PCLO: variants seen among roughly 807,000 people sequenced by gnomAD.
The protein encoded by PCLO is protein piccolo.
Under a neutral mutation model 427.5 loss-of-function variants are expected in PCLO, and 82 were observed. That is an observed-to-expected ratio of 0.19 (90% CI 0.16 to 0.23). PCLO has a LOEUF of 0.23. Ranked by LOEUF, PCLO falls within the 10% of genes least tolerant of loss-of-function variation. The probability of loss-of-function intolerance (pLI) is 1.00; values close to 1 mark genes in which losing one functional copy is unlikely to be tolerated. For synonymous variants in PCLO, 2,357 were observed against 2,155.4 expected (o/e 1.09, Z -2.59); for missense variants, 6,239 against 6,115.9 (o/e 1.02, Z -0.67).
intron 6 of PCLO, among the ~76,000 whole-genome samples, chr7:82,935,441 C>A (rs1794929878): frequency 6.6e-6 from 1 of 150,934 alleles, no homozygotes; most frequent in East Asian, 1.9e-4. Flanking sequence ...CATAAAATAC[C>A]TGTTATTATA....
At chr7:82,928,119 T>C (rs910867973) in intron 6 of PCLO, among the ~76,000 whole-genome samples, 3 of 152,186 alleles carry the variant, frequency 2.0e-5, no homozygotes, top group Admixed American at 6.6e-5. Flanking sequence ...TAAAAACATA[T>C]ACAATTTATA....
At chr7:82,758,823 G>A (rs897994745) in intron 24 of PCLO, 108 bp from the exon 25 acceptor site, 2 of 643,070 alleles carry the variant, frequency 3.1e-6, no homozygotes, top group Non-Finnish European at 5.3e-6. Flanking sequence ...TAGCACGAAA[G>A]AGGGTGACGC....
At chr7:82,865,747 C>T (rs1303308490) in intron 10 of PCLO, among the ~76,000 whole-genome samples, 1 of 152,028 alleles carries the variant, frequency 6.6e-6, no homozygotes, top group African/African-American at 2.4e-5. Flanking sequence ...ATTAAATACA[C>T]ATATTGTGTT....
chr7:83,070,959 TGTAA>T (rs1303617320), intron 3 of PCLO, among the ~76,000 whole-genome samples: 1 of 152,174 alleles, frequency 6.6e-6, no homozygotes, highest in East Asian at 1.9e-4. Context: ...AGTGGACAAA[TGTAA>T]GTATCATTAT....
In PCLO at chr7:82,943,896, G is replaced by A. The variant is rs187255388; in HGVS notation, c.11112+5580C>T. On this transcript the variant is annotated intron_variant, in intron 6 of 24. Transcript: ENST00000333891. Reference sequence around the variant, plus strand: ...CACTGGGCTGGGTGCGGTGGCTCACGTCTGTAATGCCAGCACTCTGGGAGG... The same window carrying A: ...CACTGGGCTGGGTGCGGTGGCTCACATCTGTAATGCCAGCACTCTGGGAGG... 3.5e-4 allele frequency among the ~76,000 whole-genome samples: 53 copies of A among 152,070 alleles called. No homozygotes were observed. In the Middle Eastern group the frequency reaches 0.01, roughly 29 times the overall value.
chr7:82,979,296 A>C (rs1168624007), intron 3 of PCLO, among the ~76,000 whole-genome samples: 2 of 152,180 alleles, frequency 1.3e-5, no homozygotes, highest in African/African-American at 4.8e-5. Flanking sequence ...ATCATGGAAA[A>C]TTATATTGAA....
intron 2 of PCLO, among the ~76,000 whole-genome samples, chr7:83,138,584 C>A (rs1318031947): frequency 6.6e-6 from 1 of 151,934 alleles, no homozygotes; most frequent in Non-Finnish European, 1.5e-5. Context: ...TCGCTTAAAC[C>A]TGGGAGGTGG....
intron 4 of PCLO, among the ~76,000 whole-genome samples, chr7:82,964,666 T>C (rs1490333796): frequency 6.6e-6 from 1 of 152,154 alleles, no homozygotes; most frequent in Non-Finnish European, 1.5e-5. Flanking sequence ...GGACAAACAG[T>C]ACCAAGCATC....
intron 21 of PCLO, among the ~76,000 whole-genome samples, chr7:82,803,743 A>C (rs1363379527): frequency 2.0e-5 from 3 of 152,158 alleles, no homozygotes; most frequent in Non-Finnish European, 4.4e-5. Context: ...CCCAAGCTAT[A>C]ATTTTATTAG....
In PCLO at chr7:83,156,131, T is replaced by C. The variant is rs760581017; in HGVS notation, c.510A>G (p.Val170=). The C allele has an allele frequency of 1.9e-6, 3 of 1,613,904 alleles. No individual in the cohort carries two copies. Among genetic ancestry groups the C allele is most frequent in the Non-Finnish European group, 1.7e-6 (2 of 1,179,860 alleles). ...VNALSAVSSV[V]NKFNPFDLIS... ...TCAAATCAAAAGGGTTGAATTTATT[T>C]ACAACAGAGGAAACAGCACTTAAAG... The change falls in exon 2 of 25, where the codon GTA becomes GTG. Residue 170 remains valine (V), a synonymous_variant. Coordinates refer to ENST00000333891, the MANE Select transcript of PCLO (RefSeq NM_033026.6).
chr7:82,908,871 A>G lies in PCLO; in HGVS notation c.13437+6T>C. 6.2e-7 allele frequency: 1 copy of G among 1,611,030 alleles called. No homozygotes were observed. The highest frequency in any genetic ancestry group is 1.1e-5 in the South Asian group (1 of 90,844). On this transcript the variant is annotated splice_donor_region_variant and intron_variant, in intron 8 of 24. Transcript: ENST00000333891. ...TCTAAAAGAAATTGCTAAATATAGC[A>G]CTTACTTGCTCTTGATGTTGACTGA...
In PCLO at chr7:82,950,084, T is replaced by C; in HGVS notation, c.10504A>G (p.Thr3502Ala). The C allele has an allele frequency of 6.2e-7, 1 of 1,604,218 alleles. No individual in the cohort carries two copies. The highest frequency in any genetic ancestry group is 8.5e-7 in the Non-Finnish European group (1 of 1,176,488). ...AGGGGTTTGGTCTTGTCAGCCTCTG[T>C]CATGCTGTCACCATATTTCCCTACA... ...ARVGKYGDSMTEADKTKPLSK... is the reference protein window; with the variant it reads ...ARVGKYGDSMAEADKTKPLSK... The change falls in exon 6 of 25, where the codon ACA becomes GCA. Residue 3502 changes from threonine to alanine, a missense_variant. Coordinates refer to ENST00000333891, the MANE Select transcript of PCLO (RefSeq NM_033026.6).
intron 2 of PCLO, among the ~76,000 whole-genome samples, chr7:83,138,662 A>C (rs1435905928): frequency 1.3e-5 from 2 of 152,120 alleles, no homozygotes; most frequent in African/African-American, 4.8e-5. Context: ...AAAGAAAAAA[A>C]AAAGAAGCAG....
At chr7:82,775,918 G>T (rs906179304) in intron 22 of PCLO, among the ~76,000 whole-genome samples, 1 of 151,984 alleles carries the variant, frequency 6.6e-6, no homozygotes, top group Non-Finnish European at 1.5e-5. Flanking sequence ...TGCATGTGGA[G>T]GTCCAATTGT....
chr7:83,090,728 C>A (rs1345066660), intron 3 of PCLO, among the ~76,000 whole-genome samples: 1 of 152,084 alleles, frequency 6.6e-6, no homozygotes, highest in South Asian at 2.1e-4. Context: ...CTAAAATATT[C>A]TAAATATATA....
At position 82,951,342 on chromosome 7, in the gene PCLO, C is replaced by G. The variant is rs776142411; in HGVS notation, c.9246G>C (p.Leu3082Phe). Residue 3082 changes from leucine (L) to phenylalanine (F), a missense_variant, in exon 6 of 25, where the codon TTG becomes TTC. Transcript: ENST00000333891. ...PGPQYCVGSV[L>F]RSSNGVVYSS... ...AATAGACAACACCATTAGATGACCT[C>G]AAAACACTCCCCACACAATACTGGG... The G allele has an allele frequency of 1.9e-6, 3 of 1,609,448 alleles. No homozygotes were observed. Among genetic ancestry groups the G allele is most frequent in the Non-Finnish European group, 2.5e-6 (3 of 1,177,756 alleles).
chr7:82,962,465 G>A (rs1795675377), intron 4 of PCLO, among the ~76,000 whole-genome samples: 1 of 151,574 alleles, frequency 6.6e-6, no homozygotes, highest in South Asian at 2.1e-4. Context: ...GGAAGGTTTG[G>A]GAAAAATTAT....
In PCLO at chr7:83,038,024, T is replaced by G. The variant is rs1357934514; in HGVS notation, c.3301-71537A>C. Among the ~76,000 whole-genome samples the G allele has an allele frequency of 5.5e-5, 3 of 54,288 alleles. 1 individual carries two copies. The highest frequency in any genetic ancestry group is 3.9e-4 in the African/African-American group (3 of 7,634). The allele number at this position is 54,288 out of a possible 152,430, so 35.6% of individuals were successfully genotyped here. Reference sequence around the variant, plus strand: ...ATATATATATATATATATATATATATATATATTTATATATTTATATATATA... The same window carrying G: ...ATATATATATATATATATATATATAGATATATTTATATATTTATATATATA... On this transcript the variant is annotated intron_variant, in intron 3 of 24. Coordinates refer to ENST00000333891, the MANE Select transcript of PCLO (RefSeq NM_033026.6).
intron 3 of PCLO, among the ~76,000 whole-genome samples, chr7:82,989,329 T>C (rs1796323948): frequency 6.6e-6 from 1 of 152,186 alleles, no homozygotes; most frequent in South Asian, 2.1e-4. Context: ...AAATTACTTC[T>C]AGTTAAGAAA....
Sources: gnomAD v4.1 joint callset for allele counts (sites outside exome capture counted in the v4.1 genomes callset) on GRCh38, gnomAD v4.1.1 for gene constraint, MANE v1.5 for transcripts, NCBI Gene and HGNC (gene_info 2026-07-23, HGNC 2026-07-21) for gene names.